The following TBC1D5 variants were observed in gnomAD, a reference collection of about 807,000 sequenced individuals.
The protein encoded by TBC1D5 is TBC1 domain family, member 5.
Under a neutral mutation model 100.3 loss-of-function variants are expected in TBC1D5, and 75 were observed. That is an observed-to-expected ratio of 0.75 (90% CI 0.62 to 0.91). The LOEUF is 0.91. Ranked by LOEUF, TBC1D5 falls within the 40% of genes least tolerant of loss-of-function variation. The probability of loss-of-function intolerance (pLI) is 0.00; values close to 1 mark genes in which losing one functional copy is unlikely to be tolerated. For missense variants in TBC1D5, 910 were observed against 942.4 expected, an observed-to-expected ratio of 0.97 and a Z score of 0.45; for synonymous variants, 323 against 325.6, an observed-to-expected ratio of 0.99 and a Z score of 0.09.
intron 1 of TBC1D5, among the ~76,000 whole-genome samples, chr3:17,712,349 C>T (rs1331769305): frequency 1.3e-5 from 2 of 152,168 alleles, no homozygotes; most frequent in African/African-American, 4.8e-5. Flanking sequence ...AACCGCAAAG[C>T]TGCCAGGAAT....
At chr3:17,574,402 C>A (rs745482449) in intron 2 of TBC1D5, among the ~76,000 whole-genome samples, 1 of 152,082 alleles carries the variant, frequency 6.6e-6, no homozygotes, top group African/African-American at 2.4e-5. Context: ...TATATCCCCA[C>A]TCCCACTGAA....
intron 2 of TBC1D5, among the ~76,000 whole-genome samples, chr3:17,569,854 ACTT>A (rs2096615984): frequency 6.6e-6 from 1 of 151,858 alleles, no homozygotes; most frequent in Non-Finnish European, 1.5e-5. Context: ...ATTCTAAAAA[ACTT>A]AATGCATCAA....
chr3:17,592,643 G>T (rs886084067), intron 2 of TBC1D5, among the ~76,000 whole-genome samples: 1 of 152,186 alleles, frequency 6.6e-6, no homozygotes, highest in African/African-American at 2.4e-5. Context: ...TCCAGAACAG[G>T]AGAAGGCTCT....
At chr3:17,295,142 G>C (rs1336470958) in intron 14 of TBC1D5, among the ~76,000 whole-genome samples, 3 of 152,104 alleles carry the variant, frequency 2.0e-5, no homozygotes, top group Admixed American at 2.0e-4. Flanking sequence ...AATAGTGAAG[G>C]CACATTCTAA....
In TBC1D5 at chr3:17,422,634, T is replaced by A. The variant is rs1460635290; in HGVS notation, c.167+5816A>T. 2.0e-5 allele frequency among the ~76,000 whole-genome samples: 3 copies of A among 152,188 alleles called. No individual in the cohort carries two copies. The East Asian group carries it at 5.8e-4, about 29-fold the overall frequency. ...ACTATCTCCTTTCTAATATACTAAA[T>A]CACTGTTTCATTGTTATTTCTATAA... is the stretch of plus-strand genomic sequence containing the variant. On this transcript the variant is annotated intron_variant, in intron 4 of 21. Coordinates refer to ENST00000253692, the Ensembl canonical transcript of TBC1D5.
At chr3:17,538,972 A>G (rs111474728) in intron 2 of TBC1D5, among the ~76,000 whole-genome samples, 1 of 152,204 alleles carries the variant, frequency 6.6e-6, no homozygotes, top group Non-Finnish European at 1.5e-5. Context: ...ACTCGAGATC[A>G]TAAGTTCAAG....
intron 15 of TBC1D5, among the ~76,000 whole-genome samples, chr3:17,282,429 A>G (rs2080709184): frequency 6.6e-6 from 1 of 152,208 alleles, no homozygotes. Flanking sequence ...ATCAAATAAA[A>G]TGGAGGAGAT....
At chr3:17,263,738 A>C (rs907903355) in intron 15 of TBC1D5, among the ~76,000 whole-genome samples, 1 of 152,226 alleles carries the variant, frequency 6.6e-6, no homozygotes, top group African/African-American at 2.4e-5. Flanking sequence ...TGGTAGATGC[A>C]AGTTTTCTAG....
At chr3:17,475,118 A>C (rs1042848739) in intron 3 of TBC1D5, among the ~76,000 whole-genome samples, 2 of 152,080 alleles carry the variant, frequency 1.3e-5, no homozygotes, top group Non-Finnish European at 2.9e-5. Flanking sequence ...TATTAAAGAT[A>C]TCAAACTCTC....
intron 2 of TBC1D5, among the ~76,000 whole-genome samples, chr3:17,522,709 C>T (rs1034815561): frequency 5.3e-5 from 8 of 152,120 alleles, no homozygotes; most frequent in Admixed American, 6.5e-5. Context: ...CAAAAATATA[C>T]ACCTCCTTTT....
chr3:17,644,956 T>C (rs1413851051), intron 1 of TBC1D5, among the ~76,000 whole-genome samples: 1 of 151,502 alleles, frequency 6.6e-6, no homozygotes, highest in Non-Finnish European at 1.5e-5. Context: ...AACAAAACAC[T>C]CTTGGTCTAA....
intron 13 of TBC1D5, among the ~76,000 whole-genome samples, chr3:17,317,128 T>C (rs1400571685): frequency 1.3e-5 from 2 of 152,206 alleles, no homozygotes; most frequent in Non-Finnish European, 2.9e-5. Context: ...GGATGCAAAC[T>C]AATGGCAACA....
At chr3:17,475,186 C>G (rs973441274) in intron 3 of TBC1D5, among the ~76,000 whole-genome samples, 24 of 151,772 alleles carry the variant, frequency 1.6e-4, no homozygotes, top group Non-Finnish European at 3.2e-4. Flanking sequence ...CCCGCCCCAC[C>G]CGTTTATATA....
At chr3:17,189,942 T>C (rs934429400) in intron 18 of TBC1D5, among the ~76,000 whole-genome samples, 1 of 152,268 alleles carries the variant, frequency 6.6e-6, no homozygotes, top group Non-Finnish European at 1.5e-5. Flanking sequence ...TTTGACTAAA[T>C]AATCTGAAGA....
At chr3:17,382,830 G>A (rs1191717415) in intron 9 of TBC1D5, among the ~76,000 whole-genome samples, 1 of 151,992 alleles carries the variant, frequency 6.6e-6, no homozygotes, top group Non-Finnish European at 1.5e-5. Context: ...ACAAAGTGCT[G>A]GGATTATAGG....
exon 17 of TBC1D5, chr3:17,238,215 C>T: frequency 6.2e-7 from 1 of 1,614,028 alleles, no homozygotes; most frequent in Non-Finnish European, 8.5e-7. Flanking sequence ...TCTGCTGCTG[C>T]TGTTGCTGTT....
intron 15 of TBC1D5, among the ~76,000 whole-genome samples, chr3:17,261,952 G>A (rs1290197098): frequency 6.7e-6 from 1 of 150,214 alleles, no homozygotes; most frequent in East Asian, 2.0e-4. Context: ...TTCTATATAT[G>A]TAAAACTCTA....
intron 2 of TBC1D5, among the ~76,000 whole-genome samples, chr3:17,561,700 T>C (rs116368729): frequency 0.019 from 2,881 of 151,966 alleles, 77 homozygotes; most frequent in African/African-American, 0.065. Flanking sequence ...CTAAATAAAA[T>C]AAAAAATAAG....
At position 17,505,437 on chromosome 3, in the gene TBC1D5, T is replaced by A. The variant is rs114560440; in HGVS notation, c.97+3037A>T. On this transcript the variant is annotated intron_variant, in intron 3 of 21. Transcript: ENST00000253692. ...CCTGTGTCATGCTTCCTGTACAGCC[T>A]GCAGAAGCATAAGCCAATTAAAGCA... is the stretch of plus-strand genomic sequence containing the variant. 9.9e-3 allele frequency among the ~76,000 whole-genome samples: 1,504 copies of A among 152,290 alleles called. 28 individuals carry two copies. The highest frequency in any genetic ancestry group is 0.034 in the African/African-American group (1,408 of 41,560).
Sources: allele counts gnomAD v4.1 joint callset (sites outside exome capture counted in the v4.1 genomes callset), GRCh38; gene constraint gnomAD v4.1.1; transcripts MANE v1.5; gene names NCBI Gene and HGNC (gene_info 2026-07-23, HGNC 2026-07-21).